FBXO46: variants seen among roughly 807,000 people sequenced by gnomAD.
The protein encoded by FBXO46 is F-box only protein 46.
FBXO46 carries 13 observed loss-of-function variants against 30.7 expected under a neutral mutation model. The observed-to-expected ratio is 0.42, with a 90% confidence interval of 0.28 to 0.67. The LOEUF (loss-of-function observed/expected upper bound fraction) is 0.67, where lower values mean the gene tolerates loss of function less well. FBXO46 is among the 30% of genes least tolerant of loss of function. The probability of loss-of-function intolerance (pLI) is 0.21; values close to 1 mark genes in which losing one functional copy is unlikely to be tolerated. For synonymous variants in FBXO46, 467 were observed against 385.8 expected (o/e 1.21, Z -2.47); for missense variants, 754 against 871.5 (o/e 0.87, Z 1.70).
intron 1 of FBXO46, among the ~76,000 whole-genome samples, chr19:45,727,072 A>AACGCTG (rs1309695484): frequency 6.6e-6 from 1 of 152,068 alleles, no homozygotes; most frequent in Non-Finnish European, 1.5e-5. Flanking sequence ...AGCCTGGGCA[A>AACGCTG]CGTGGTGAAA....
In FBXO46 at chr19:45,713,968, CAAA is replaced by C. The variant is rs34349746; in HGVS notation, c.-78-398_-78-396del. On this transcript the variant is annotated intron_variant, in intron 1 of 1. Transcript: ENST00000317683. The surrounding 1 kb of genome is among the most constrained non-coding windows in gnomAD (Gnocchi z 4.7). ...GGGCGACAAGAGCGAAACTCCGTCTCAAAAAAAAAAAAAAAAAAAAAAAGAACT... is the reference window on the plus strand; with the variant it reads ...GGGCGACAAGAGCGAAACTCCGTCTCAAAAAAAAAAAAAAAAAAAAGAACT... Among the ~76,000 whole-genome samples the C allele has an allele frequency of 4.1e-5, 3 of 73,130 alleles. No homozygotes were observed. The highest frequency in any genetic ancestry group is 1.8e-4 in the Admixed American group (1 of 5,622). The allele number at this position is 73,130 out of a possible 152,430, so 48.0% of individuals were successfully genotyped here.
At chr19:45,720,591 G>A (rs1968156048) in intron 1 of FBXO46, among the ~76,000 whole-genome samples, 1 of 152,106 alleles carries the variant, frequency 6.6e-6, no homozygotes, top group Non-Finnish European at 1.5e-5. Context: ...TTGAGGAGCT[G>A]AAACCACAGG....
chr19:45,724,672 C>T lies in FBXO46; in HGVS notation c.-79+6177G>A, dbSNP rs62111735. 8.4e-3 allele frequency among the ~76,000 whole-genome samples: 1,279 copies of T among 151,982 alleles called. 14 individuals are homozygous for T. The highest frequency in any genetic ancestry group is 0.014 in the Non-Finnish European group (965 of 67,972). On this transcript the variant is annotated intron_variant, in intron 1 of 1. Transcript: ENST00000317683. ...AAAAAAATTTCTTATTTTTTCTGTT[C>T]GAGACGGAGGCCTGCTCGTTACCCA... is the stretch of plus-strand genomic sequence containing the variant.
Position 45,713,793 on chromosome 19 carries a change from C to T in FBXO46, c.-78-220G>A, listed in dbSNP as rs1055318627. Among the ~76,000 whole-genome samples, 1 of 151,848 alleles carries T rather than the reference C, an allele frequency of 6.6e-6. No homozygotes were observed. The highest frequency in any genetic ancestry group is 1.5e-5 in the Non-Finnish European group (1 of 67,956). ...GACCAGCCTGGCCAACATGGTGATA[C>T]CCCATCTCTACTAAAAATACAAAAA... On this transcript the variant is annotated intron_variant, in intron 1 of 1. Transcript: ENST00000317683. The surrounding 1 kb of genome is among the most constrained non-coding windows in gnomAD (Gnocchi z 4.7).
rs200470999 is a variant in FBXO46 at position 45,726,356 on chromosome 19, C to CA, written c.-79+4492dup. 4.0e-3 allele frequency among the ~76,000 whole-genome samples: 611 copies of CA among 151,376 alleles called. 14 individuals are homozygous for CA. Among genetic ancestry groups the CA allele is most frequent in the Admixed American group, 0.036 (547 of 15,174 alleles). Reference sequence around the variant, plus strand: ...GCAAGACTCCATCTAACAACAACAACAAAAAAAATGGCTGGGCACGGTGGC... The same window carrying CA: ...GCAAGACTCCATCTAACAACAACAACAAAAAAAAATGGCTGGGCACGGTGGC... On this transcript the variant is annotated intron_variant, in intron 1 of 1. Transcript: ENST00000317683.
At chr19:45,725,038 T>C (rs1013298097) in intron 1 of FBXO46, among the ~76,000 whole-genome samples, 1 of 151,896 alleles carries the variant, frequency 6.6e-6, no homozygotes, top group Non-Finnish European at 1.5e-5. Flanking sequence ...AGCAGGAGGA[T>C]CACTTGAGGC....
chr19:45,714,236 C>T (rs1395715696), intron 1 of FBXO46, among the ~76,000 whole-genome samples: 1 of 152,114 alleles, frequency 6.6e-6, no homozygotes, highest in Non-Finnish European at 1.5e-5. Flanking sequence ...CTCAGTAGCT[C>T]GTTCCTGAAA....
chr19:45,720,280 C>T (rs921732779), intron 1 of FBXO46, among the ~76,000 whole-genome samples: 8 of 151,928 alleles, frequency 5.3e-5, no homozygotes, highest in African/African-American at 1.5e-4. Flanking sequence ...TACAGGTGTG[C>T]GCCACCATGT....
intron 1 of FBXO46, chr19:45,715,407 T>C (rs1029089651): frequency 2.0e-5 from 3 of 152,240 alleles, no homozygotes; most frequent in African/African-American, 7.2e-5. Flanking sequence ...CAGAGCTGAA[T>C]AGCAGAACAA....
chr19:45,712,427 G>T lies in FBXO46; in HGVS notation c.1069C>A (p.Arg357=). The T allele has an allele frequency of 1.9e-6, 3 of 1,610,542 alleles. No homozygotes were observed. Among genetic ancestry groups the T allele is most frequent in the Non-Finnish European group, 2.5e-6 (3 of 1,179,648 alleles). The change falls in exon 2 of 2, where the codon CGG becomes AGG. Residue 357 remains arginine, a synonymous_variant. Coordinates refer to ENST00000317683, the MANE Select transcript of FBXO46 (RefSeq NM_001080469.2). This position sits in a 1 kb window ranked among gnomAD's most constrained non-coding sequence, Gnocchi z 8.8. Reference sequence around the variant, plus strand: ...TGGAAGCCTGACGCTCCGCAGTCCCGGGCAGGGGGCGGAGGGGGCGCCGGG... The same window carrying T: ...TGGAAGCCTGACGCTCCGCAGTCCCTGGCAGGGGGCGGAGGGGGCGCCGGG... ...TPPAPPPPPA[R]DCGASGFHVD...
In FBXO46 at chr19:45,712,923, T is replaced by TG; in HGVS notation, c.572dup (p.Arg192ThrfsTer25). ...CTACAGGCGCTGGGGTGGTCGGTCGTGGGTAGCTCTGCAGGGCCAGGGCTG... is the reference window on the plus strand; with the variant it reads ...CTACAGGCGCTGGGGTGGTCGGTCGTGGGGTAGCTCTGCAGGGCCAGGGCTG... On this transcript the variant is annotated frameshift_variant, in exon 2 of 2. Transcript: ENST00000317683. LOFTEE classifies it high-confidence loss of function. This position sits in a 1 kb window ranked among gnomAD's most constrained non-coding sequence, Gnocchi z 8.8. The TG allele has an allele frequency of 6.2e-7, 1 of 1,606,158 alleles. No individual in the cohort carries two copies. The highest frequency in any genetic ancestry group is 1.1e-5 in the South Asian group (1 of 90,162).
At position 45,711,444 on chromosome 19, in the gene FBXO46, A is replaced by G. The variant is rs778977526; in HGVS notation, c.*240T>C. ...TGGAGAAGAAAGTGAGATGCTGATA[A>G]AAAAAAAAAAAACACCCTTCTCAGA... On this transcript the variant is annotated 3_prime_UTR_variant, in exon 2 of 2. Coordinates refer to ENST00000317683, the MANE Select transcript of FBXO46 (RefSeq NM_001080469.2). 48 of 431,574 alleles carry G rather than the reference A, an allele frequency of 1.1e-4. No homozygotes were observed. In the East Asian group the frequency reaches 1.2e-3, roughly 10 times the overall value. The allele number at this position is 431,574 out of a possible 1,614,324, so 26.7% of individuals were successfully genotyped here.
rs1219559677 is a variant in FBXO46 at position 45,711,716 on chromosome 19, C to T, written c.1780G>A (p.Gly594Arg). 2.0e-6 allele frequency: 3 copies of T among 1,537,636 alleles called. No individual in the cohort carries two copies. The highest frequency in any genetic ancestry group is 2.6e-6 in the Non-Finnish European group (3 of 1,146,106). Residue 594 changes from glycine (G) to arginine (R), a missense_variant, in exon 2 of 2, where the codon GGG (glycine) becomes AGG (arginine). By Grantham distance (125) the Gly-to-Arg change is moderately radical. This residue lies in a region of FBXO46 where 162 missense variants were observed against 258.7 expected (regional missense o/e 0.63). Transcript: ENST00000317683. ...CCCTCCTCCCGGCCGGCCCGGCCCC[C>T]GCCTGGCCCATTGCAGGGCAGCACC... ...NWVLPCNGPG[G>R]GRAGREEGR
chr19:45,728,686 A>C (rs1968270395), intron 1 of FBXO46, among the ~76,000 whole-genome samples: 2 of 152,124 alleles, frequency 1.3e-5, no homozygotes, highest in African/African-American at 4.8e-5. Flanking sequence ...AAATAAAAAT[A>C]AAAAATTAGC....
At position 45,713,452 on chromosome 19, in the gene FBXO46, C is replaced by CG; in HGVS notation, c.43dup (p.Arg15ProfsTer25). 6.3e-7 allele frequency: 1 copy of CG among 1,592,546 alleles called. No homozygotes were observed. The highest frequency in any genetic ancestry group is 8.6e-7 in the Non-Finnish European group (1 of 1,165,258). ...GTTCTGTGAGTAGGTGCCAAAGGGC[C>CG]GGGGGCACCATAGCTGGAAGGGCAG... On this transcript the variant is annotated frameshift_variant, in exon 2 of 2. Transcript: ENST00000317683. LOFTEE classifies it high-confidence loss of function. This position sits in a 1 kb window ranked among gnomAD's most constrained non-coding sequence, Gnocchi z 4.7.
chr19:45,724,803 C>T (rs546223816), intron 1 of FBXO46, among the ~76,000 whole-genome samples: 4 of 152,202 alleles, frequency 2.6e-5, no homozygotes, highest in Non-Finnish European at 4.4e-5. Context: ...TACAAGCACA[C>T]GCCACCACGC....
At position 45,711,485 on chromosome 19, in the gene FBXO46, G is replaced by A. The variant is rs1351007643; in HGVS notation, c.*199C>T. ...CCTTCTCAGAGGGTCCACGGCCCTG[G>A]TTCTGAAGAGTAGAAAATCAACAGG... On this transcript the variant is annotated 3_prime_UTR_variant, in exon 2 of 2. Coordinates refer to ENST00000317683, the MANE Select transcript of FBXO46 (RefSeq NM_001080469.2). 4 of 700,834 alleles carry A rather than the reference G, an allele frequency of 5.7e-6. No homozygotes were observed. The highest frequency in any genetic ancestry group is 1.7e-5 in the African/African-American group (1 of 57,216). 43.4% of individuals were successfully genotyped at this position (700,834 alleles called of 1,614,324 possible).
At chr19:45,720,660 T>C (rs940475735) in intron 1 of FBXO46, among the ~76,000 whole-genome samples, 14 of 152,188 alleles carry the variant, frequency 9.2e-5, no homozygotes, top group Middle Eastern at 6.8e-3. Context: ...GGTCTCACTA[T>C]GTTGCCTAGG....
intron 1 of FBXO46, among the ~76,000 whole-genome samples, chr19:45,725,112 C>T (rs1968220343): frequency 6.6e-6 from 1 of 152,084 alleles, no homozygotes; most frequent in South Asian, 2.1e-4. Context: ...GCAACAGAGA[C>T]AGGCCCTGTC....
Sources: gnomAD v4.1 joint callset for allele counts (sites outside exome capture counted in the v4.1 genomes callset) on GRCh38, gnomAD v4.1.1 for gene constraint, gnomAD v4.1.1 regional missense constraint, Gnocchi (gnomAD v3.1) non-coding constraint, MANE v1.5 for transcripts, NCBI Gene and HGNC (gene_info 2026-07-23, HGNC 2026-07-21) for gene names.